CSMD3: variants seen among roughly 807,000 people sequenced by gnomAD.
CSMD3 encodes the protein CUB and sushi domain-containing protein 3.
A neutral mutation model predicts 435.2 loss-of-function variants in CSMD3; 177 were observed. The ratio of observed to expected loss-of-function variants is 0.41; its 90% CI spans 0.36 to 0.46. The LOEUF (loss-of-function observed/expected upper bound fraction) is 0.46, where lower values mean the gene tolerates loss of function less well. CSMD3 is among the 20% of genes least tolerant of loss of function. CSMD3 has a pLI of 0.34. For missense variants in CSMD3, 4,265 were observed against 4,504.6 expected (o/e 0.95, Z 1.52); for synonymous variants, 1,656 against 1,520.5 (o/e 1.09, Z -2.07).
Position 112,682,589 on chromosome 8 carries a change from G to A in CSMD3, c.2530C>T (p.Arg844Trp), listed in dbSNP as rs777713609. Residue 844 changes from arginine to tryptophan, a missense_variant, in exon 16 of 71, where the codon CGG becomes TGG. Arg to Trp is a moderately radical substitution (Grantham distance 101). Coordinates refer to ENST00000297405, the MANE Select transcript of CSMD3 (RefSeq NM_198123.2). The part of the protein sequence containing the change: ...CPDPGIPINA[R>W]RFGDNFQLGS... ...AATTGAAAGTTGTCCCCAAACCGCC[G>A]TGCATTGATTGGTATTCCAGGATCA... 1.6e-5 allele frequency: 26 copies of A among 1,613,542 alleles called. No homozygotes were observed. Among genetic ancestry groups the A allele is most frequent in the Middle Eastern group, 1.7e-4 (1 of 6,052 alleles).
chr8:113,281,954 C>A (rs534172974), intron 2 of CSMD3, among the ~76,000 whole-genome samples: 3 of 152,008 alleles, frequency 2.0e-5, no homozygotes, highest in Admixed American at 2.0e-4. Flanking sequence ...TCGCTGGAAA[C>A]AAAATTCTTG....
intron 16 of CSMD3, among the ~76,000 whole-genome samples, chr8:112,670,538 A>C (rs2075632466): frequency 6.6e-6 from 1 of 152,176 alleles, no homozygotes; most frequent in Non-Finnish European, 1.5e-5. Context: ...GCATTATCAG[A>C]TTATGAAATA....
intron 57 of CSMD3, 52 bp downstream of exon 57, chr8:112,289,313 A>G (rs1196455272): frequency 1.4e-6 from 2 of 1,406,238 alleles, no homozygotes; most frequent in Non-Finnish European, 2.0e-6. Context: ...TACTACTACT[A>G]CTAACAATAA....
chr8:112,685,342 T>A, intron 15 of CSMD3, 64 bp downstream of exon 15: 1 of 1,363,290 alleles, frequency 7.3e-7, no homozygotes, highest in Non-Finnish European at 1.0e-6. Flanking sequence ...ATATACATGA[T>A]CACTTTTCAA....
At chr8:112,699,004 G>A (rs1463249578) in intron 13 of CSMD3, among the ~76,000 whole-genome samples, 1 of 151,998 alleles carries the variant, frequency 6.6e-6, no homozygotes, top group Non-Finnish European at 1.5e-5. Context: ...GGACCAATCA[G>A]CACTCTATAA....
At chr8:112,574,229 A>G (rs1453091) in intron 23 of CSMD3, among the ~76,000 whole-genome samples, 60,581 of 151,812 alleles carry the variant, frequency 0.4, 13,072 homozygotes, top group East Asian at 0.58. Context: ...CCCACACATC[A>G]TTCTCATTTT....
chr8:112,375,245 TC>T (rs1216460064), intron 38 of CSMD3, among the ~76,000 whole-genome samples: 1 of 152,110 alleles, frequency 6.6e-6, no homozygotes, highest in African/African-American at 2.4e-5. Context: ...AAAAACATAT[TC>T]CATGTAATAA....
At position 112,256,191 on chromosome 8, in the gene CSMD3, G is replaced by A. The variant is rs1815781858; in HGVS notation, c.9863-764C>T. Reference sequence around the variant, plus strand: ...AACATGTCAGTAAACAAATACTGTAGGAAATCTGCTTTTATAGGGTTTATG... The same window carrying A: ...AACATGTCAGTAAACAAATACTGTAAGAAATCTGCTTTTATAGGGTTTATG... On this transcript the variant is annotated intron_variant, in intron 61 of 70. Coordinates refer to ENST00000297405, the MANE Select transcript of CSMD3 (RefSeq NM_198123.2). Among the ~76,000 whole-genome samples the A allele has an allele frequency of 3.3e-5, 5 of 151,940 alleles. No homozygotes were observed. The South Asian group carries it at 1.0e-3, about 31-fold the overall frequency.
chr8:112,875,993 G>A (rs1259010489), intron 10 of CSMD3, among the ~76,000 whole-genome samples: 4 of 151,980 alleles, frequency 2.6e-5, no homozygotes, highest in Non-Finnish European at 5.9e-5. Context: ...AAAATAAGAG[G>A]CATTCTGGTT....
At chr8:113,005,183 T>C (rs1338372154) in intron 6 of CSMD3, among the ~76,000 whole-genome samples, 1 of 151,796 alleles carries the variant, frequency 6.6e-6, no homozygotes, top group African/African-American at 2.4e-5. Context: ...TTGGTAAACC[T>C]AGAAGGAAGG....
At chr8:113,190,264 C>T (rs1234802590) in intron 3 of CSMD3, among the ~76,000 whole-genome samples, 3 of 151,672 alleles carry the variant, frequency 2.0e-5, no homozygotes, top group Admixed American at 6.6e-5. Flanking sequence ...AACTTGTGAG[C>T]AGGTGGTGGA....
At chr8:113,018,077 T>TA (rs1475091252) in intron 6 of CSMD3, among the ~76,000 whole-genome samples, 1 of 152,102 alleles carries the variant, frequency 6.6e-6, no homozygotes, top group Non-Finnish European at 1.5e-5. Context: ...GATTTTAAGT[T>TA]ACTTTCCTAA....
At chr8:112,856,241 A>T (rs2080655502) in intron 11 of CSMD3, among the ~76,000 whole-genome samples, 1 of 151,876 alleles carries the variant, frequency 6.6e-6, no homozygotes, top group Non-Finnish European at 1.5e-5. Flanking sequence ...GAACATCAAA[A>T]ATGTATATTA....
At chr8:113,031,325 A>G (rs2131240384) in intron 5 of CSMD3, among the ~76,000 whole-genome samples, 1 of 151,870 alleles carries the variant, frequency 6.6e-6, no homozygotes, top group South Asian at 2.1e-4. Context: ...AAAAAGGAAC[A>G]AACTACTGAT....
chr8:113,362,570 T>C (rs188456634), intron 1 of CSMD3, among the ~76,000 whole-genome samples: 8 of 152,276 alleles, frequency 5.3e-5, no homozygotes, highest in Admixed American at 3.3e-4. Context: ...TAATGAAAAC[T>C]TTTAAGCCCG....
At chr8:112,291,827 T>C in intron 55 of CSMD3, 132 bp from the exon 56 acceptor site, 3 of 644,066 alleles carry the variant, frequency 4.7e-6, no homozygotes, top group Non-Finnish European at 8.0e-6. Context: ...AATAATAAAA[T>C]TAATCCCATG....
At chr8:113,084,631 A>T (rs1216512670) in intron 5 of CSMD3, among the ~76,000 whole-genome samples, 1 of 150,926 alleles carries the variant, frequency 6.6e-6, no homozygotes, top group Admixed American at 6.6e-5. Flanking sequence ...CCAAAAAAAA[A>T]AAAAAAACCC....
rs565752085 is a variant in CSMD3 at position 113,006,918 on chromosome 8, T to G, written c.1030+12149A>C. Among the ~76,000 whole-genome samples the G allele has an allele frequency of 9.4e-4, 143 of 151,998 alleles. 1 individual carries two copies. Among genetic ancestry groups the G allele is most frequent in the Non-Finnish European group, 4.0e-4 (27 of 67,930 alleles). On this transcript the variant is annotated intron_variant, in intron 6 of 70. Coordinates refer to ENST00000297405, the MANE Select transcript of CSMD3 (RefSeq NM_198123.2). ...TGGACATCCCATGACAAAATTAGCT[T>G]AAATGTCAGGACCAGAGAACATGTA...
chr8:112,964,405 G>A (rs1275256288), intron 7 of CSMD3, among the ~76,000 whole-genome samples: 1 of 151,658 alleles, frequency 6.6e-6, no homozygotes, highest in Non-Finnish European at 1.5e-5. Context: ...CCTTCATAAG[G>A]CACAAAAGCT....
Sources: gnomAD v4.1 joint callset for allele counts (sites outside exome capture counted in the v4.1 genomes callset) on GRCh38, gnomAD v4.1.1 for gene constraint, MANE v1.5 for transcripts, NCBI Gene and HGNC (gene_info 2026-07-23, HGNC 2026-07-21) for gene names.